Variants in NPHP4 observed in about 807,000 individuals in gnomAD.
NPHP4 encodes nephrocystin-4.
Under a neutral mutation model 155.8 loss-of-function variants are expected in NPHP4, and 151 were observed. The observed-to-expected ratio is 0.97, with a 90% confidence interval of 0.85 to 1.11. The LOEUF is 1.11. Among genes scored for constraint, NPHP4 ranks in the 50% least tolerant of loss-of-function variants. The pLI is 0.00. For synonymous variants in NPHP4, 845 were observed against 816.8 expected, an observed-to-expected ratio of 1.03 and a Z score of -0.59; for missense variants, 1,956 against 1,925.7, an observed-to-expected ratio of 1.02 and a Z score of -0.29.
chr1:5,895,530 A>G (rs2100993859), intron 16 of NPHP4, among the ~76,000 whole-genome samples: 1 of 152,176 alleles, frequency 6.6e-6, no homozygotes, highest in African/African-American at 2.4e-5. Flanking sequence ...ACAACAAAAA[A>G]ACTGCATTAA....
chr1:5,975,280 T>C (rs1024769710), intron 3 of NPHP4, among the ~76,000 whole-genome samples: 1 of 152,198 alleles, frequency 6.6e-6, no homozygotes, highest in African/African-American at 2.4e-5. Flanking sequence ...GCCAAGCACA[T>C]GGAGGAAACT....
At chr1:5,966,594 C>T (rs941983194) in intron 5 of NPHP4, among the ~76,000 whole-genome samples, 42 of 152,226 alleles carry the variant, frequency 2.8e-4, no homozygotes, top group African/African-American at 9.4e-4. Flanking sequence ...ACATCCCCTT[C>T]GAGGAATCTG....
chr1:5,936,870 T>G (rs1268365867), intron 9 of NPHP4, among the ~76,000 whole-genome samples: 1 of 152,188 alleles, frequency 6.6e-6, no homozygotes, highest in Non-Finnish European at 1.5e-5. Flanking sequence ...TGGATGTGAT[T>G]AGTTACAGTG....
intron 18 of NPHP4, among the ~76,000 whole-genome samples, chr1:5,883,365 T>A (rs180691277): frequency 6.6e-6 from 1 of 151,838 alleles, no homozygotes; most frequent in East Asian, 1.9e-4. Flanking sequence ...GTGCCACCGA[T>A]GTTCACGCTC....
rs183608142 is a variant in NPHP4 at position 5,941,350 on chromosome 1, G to C, written c.1119+5754C>G. Among the ~76,000 whole-genome samples the C allele has an allele frequency of 9.4e-5, 14 of 149,100 alleles. No individual in the cohort carries two copies. The East Asian group carries it at 2.5e-3, about 27-fold the overall frequency. ...AACATTGCACGAGGAGAAAATATGG[G>C]TGAATTCCTCTATGACTGGGGAACG... On this transcript the variant is annotated intron_variant, in intron 9 of 29. Transcript: ENST00000378156.
At position 5,879,284 on chromosome 1, in the gene NPHP4, G is replaced by C. The variant is rs1365511538; in HGVS notation, c.2611+830C>G. 2.7e-5 allele frequency: 8 copies of C among 298,230 alleles called. 1 individual carries two copies. Among genetic ancestry groups the C allele is most frequent in the South Asian group, 2.4e-4 (8 of 32,914 alleles). The allele number at this position is 298,230 out of a possible 1,614,324, so 18.5% of individuals were successfully genotyped here. ...ACCTCTGGGGAAAATGCTCCTTAAA[G>C]AGCACTTCCCACTTGTAATTCAAAT... On this transcript the variant is annotated intron_variant, in intron 19 of 29. Transcript: ENST00000378156.
At chr1:5,868,782 CGCACACA>C in intron 23 of NPHP4, among the ~76,000 whole-genome samples, 1 of 129,932 alleles carries the variant, frequency 7.7e-6, no homozygotes. Context: ...CATGCACACA[CGCACACA>C]ATGCACACAT....
In NPHP4 at chr1:5,961,865, A is replaced by C; in HGVS notation, c.602T>G (p.Leu201Arg). ...AGACACCAGAAGGTTCTCAGGAAGA[A>C]GGTGGAACGCAGGCTCCAGGGCCGG... ...PHPALEPAFH[L>R]LPENLLVSGL... is the part of the protein sequence containing the mutation. Residue 201 changes from leucine to arginine, a missense_variant, in exon 6 of 30, where the codon CTT (leucine) becomes CGT (arginine). Leu to Arg is a moderately radical substitution (Grantham distance 102, BLOSUM62 -2). Transcript: ENST00000378156. The C allele has an allele frequency of 6.2e-7, 1 of 1,613,882 alleles. No homozygotes were observed.
At position 5,937,714 on chromosome 1, in the gene NPHP4, C is replaced by A. The variant is rs190505269; in HGVS notation, c.1120-4385G>T. Among the ~76,000 whole-genome samples, 646 of 152,300 alleles carry A rather than the reference C, an allele frequency of 4.2e-3. 6 individuals carry two copies. Among genetic ancestry groups the A allele is most frequent in the African/African-American group, 0.014 (599 of 41,560 alleles). On this transcript the variant is annotated intron_variant, in intron 9 of 29. Coordinates refer to ENST00000378156, the MANE Select transcript of NPHP4 (RefSeq NM_015102.5). ...GCTGGGCCCAGGGGAACTGCCACCT[C>A]GATGGAGGTGACATGTGGCACTTGG...
chr1:5,962,351 T>A (rs1424310919), intron 5 of NPHP4, among the ~76,000 whole-genome samples: 3 of 151,868 alleles, frequency 2.0e-5, no homozygotes, highest in Admixed American at 2.0e-4. Flanking sequence ...GGCCTGGAGG[T>A]GCAGTTTTTA....
chr1:5,962,274 G>A, intron 5 of NPHP4, among the ~76,000 whole-genome samples: 1 of 152,250 alleles, frequency 6.6e-6, no homozygotes. Context: ...CAAACTCCAG[G>A]GCTCAAGTGA....
intron 5 of NPHP4, among the ~76,000 whole-genome samples, chr1:5,966,100 C>G (rs1651454824): frequency 6.6e-6 from 1 of 152,168 alleles, no homozygotes; most frequent in African/African-American, 2.4e-5. Flanking sequence ...CCCAGCCTGT[C>G]AGAAAGGCCA....
chr1:5,984,709 T>C (rs1222786674), intron 2 of NPHP4, among the ~76,000 whole-genome samples: 4 of 152,232 alleles, frequency 2.6e-5, no homozygotes, highest in African/African-American at 9.6e-5. Flanking sequence ...CATGGGATGA[T>C]TCACTTTTCC....
At chr1:5,982,208 T>C (rs1166113676) in intron 2 of NPHP4, among the ~76,000 whole-genome samples, 4 of 152,228 alleles carry the variant, frequency 2.6e-5, no homozygotes, top group African/African-American at 9.6e-5. Context: ...TTTCTGCTCA[T>C]ATACAGTCAT....
chr1:5,891,549 A>T (rs1644128509), intron 16 of NPHP4, among the ~76,000 whole-genome samples: 1 of 152,266 alleles, frequency 6.6e-6, no homozygotes, highest in Non-Finnish European at 1.5e-5. Flanking sequence ...TGCCCTGGTC[A>T]TCAGGCTAAG....
chr1:5,933,114 C>A, intron 10 of NPHP4, 33 bp downstream of exon 10: 1 of 1,450,386 alleles, frequency 6.9e-7, no homozygotes, highest in Non-Finnish European at 9.3e-7. Flanking sequence ...TAGAAGCTCA[C>A]CGGAGATGCA....
intron 6 of NPHP4, among the ~76,000 whole-genome samples, chr1:5,955,746 A>T (rs551800712): frequency 6.6e-6 from 1 of 152,328 alleles, no homozygotes; most frequent in African/African-American, 2.4e-5. Context: ...GAGACTGAGG[A>T]GGGGAGGGAG....
chr1:5,926,984 A>G (rs1376563494), intron 11 of NPHP4, among the ~76,000 whole-genome samples: 5 of 152,030 alleles, frequency 3.3e-5, no homozygotes, highest in African/African-American at 4.8e-5. Flanking sequence ...CTACTCCAAC[A>G]CTCCCTCGTA....
chr1:5,875,374 C>T (rs1344771427), intron 20 of NPHP4, among the ~76,000 whole-genome samples: 2 of 152,228 alleles, frequency 1.3e-5, no homozygotes, highest in East Asian at 1.9e-4. Context: ...AGACTCTTCA[C>T]AGACACGAGT....
Sources: gnomAD v4.1 joint callset for allele counts (sites outside exome capture counted in the v4.1 genomes callset) on GRCh38, gnomAD v4.1.1 for gene constraint, MANE v1.5 for transcripts, NCBI Gene and HGNC (gene_info 2026-07-23, HGNC 2026-07-21) for gene names.